The following LGR6 variants were observed in gnomAD, a reference collection of about 807,000 sequenced individuals.
LGR6 encodes the protein leucine rich repeat containing G protein-coupled receptor 6.
LGR6 carries 45 observed loss-of-function variants against 69.4 expected under a neutral mutation model. That is an observed-to-expected ratio of 0.65 (90% CI 0.51 to 0.83). The LOEUF (loss-of-function observed/expected upper bound fraction) is 0.83. Among genes scored for constraint, LGR6 ranks in the 40% least tolerant of loss-of-function variants. The pLI, the probability that LGR6 is intolerant of heterozygous loss-of-function variation, is 0.00. For missense variants in LGR6, 1,108 were observed against 1,246.7 expected (o/e 0.89, Z 1.68); for synonymous variants, 538 against 555.0 (o/e 0.97, Z 0.43).
intron 3 of LGR6, among the ~76,000 whole-genome samples, chr1:202,229,079 A>G (rs777508140): frequency 5.3e-5 from 8 of 152,164 alleles, no homozygotes; most frequent in Non-Finnish European, 1.0e-4. Flanking sequence ...AGAGGTGCTG[A>G]TGGGCTAGTG....
chr1:202,224,706 G>A (rs899006341), intron 1 of LGR6, among the ~76,000 whole-genome samples: 4 of 152,194 alleles, frequency 2.6e-5, no homozygotes, highest in African/African-American at 4.8e-5. Flanking sequence ...TTGCTGCCTC[G>A]GCTGATCTGA....
chr1:202,214,021 G>C, intron 1 of LGR6: 1 of 1,332,000 alleles, frequency 7.5e-7, no homozygotes, highest in African/African-American at 1.5e-5. Flanking sequence ...CGGGAGTTAG[G>C]GAAGAGGGCA....
intron 16 of LGR6, among the ~76,000 whole-genome samples, chr1:202,313,426 A>T (rs889106761): frequency 6.6e-6 from 1 of 152,054 alleles, no homozygotes; most frequent in Non-Finnish European, 1.5e-5. Flanking sequence ...CCCCCAAAGT[A>T]ATCAGTCCCT....
chr1:202,276,542 C>A, intron 5 of LGR6, 21 bp downstream of exon 5: 1 of 1,593,844 alleles, frequency 6.3e-7, no homozygotes, highest in Non-Finnish European at 8.6e-7. Context: ...CTCTGTTCCC[C>A]ATCCCCAGTG....
At chr1:202,270,057 C>T (rs535196202) in intron 4 of LGR6, among the ~76,000 whole-genome samples, 2 of 152,198 alleles carry the variant, frequency 1.3e-5, no homozygotes, top group Admixed American at 6.5e-5. Context: ...AGAAAGGGTC[C>T]ACTAGATTGA....
At chr1:202,239,176 G>A (rs1388660929) in intron 4 of LGR6, among the ~76,000 whole-genome samples, 1 of 152,188 alleles carries the variant, frequency 6.6e-6, no homozygotes, top group African/African-American at 2.4e-5. Context: ...TGCTTCTGCT[G>A]TCTTGCTGGC....
chr1:202,228,156 C>T, intron 3 of LGR6, 149 bp downstream of exon 3: 1 of 593,732 alleles, frequency 1.7e-6, no homozygotes, highest in South Asian at 2.2e-5. Context: ...ATTTCCATTT[C>T]TTTGCTTCAC....
At chr1:202,212,393 G>C (rs1347967039) in intron 1 of LGR6, among the ~76,000 whole-genome samples, 7 of 152,212 alleles carry the variant, frequency 4.6e-5, no homozygotes, top group Non-Finnish European at 8.8e-5. Context: ...GCTTACCTGG[G>C]TTAGTTTCCA....
chr1:202,235,953 C>G lies in LGR6; in HGVS notation c.388C>G (p.Pro130Ala). The G allele has an allele frequency of 6.2e-7, 1 of 1,613,998 alleles. No individual in the cohort carries two copies. Among genetic ancestry groups the G allele is most frequent in the Non-Finnish European group, 8.5e-7 (1 of 1,180,020 alleles). The change falls in exon 4 of 18, where the codon CCC (proline) becomes GCC (alanine). Residue 130 changes from proline (P) to alanine (A), a missense_variant. By Grantham distance (27) the Pro-to-Ala change is conservative. Coordinates refer to ENST00000367278, the MANE Select transcript of LGR6 (RefSeq NM_001017403.2). ...GCAGAACAATCAGCTGGGAGGAATC[C>G]CCGCAGAGGCGCTGTGGGAGCTGCC... ...MLQNNQLGGI[P>A]AEALWELPSL... is the part of the protein sequence containing the mutation.
chr1:202,274,307 G>A (rs926550238), intron 4 of LGR6, among the ~76,000 whole-genome samples: 1 of 152,214 alleles, frequency 6.6e-6, no homozygotes, highest in African/African-American at 2.4e-5. Context: ...ACTAGGCATT[G>A]CGCTGGGTGC....
At chr1:202,230,442 C>T (rs1250174950) in intron 3 of LGR6, among the ~76,000 whole-genome samples, 1 of 152,190 alleles carries the variant, frequency 6.6e-6, no homozygotes, top group Non-Finnish European at 1.5e-5. Flanking sequence ...AAGGCCCAGA[C>T]GCTAGTCTTA....
chr1:202,305,814 G>A, intron 12 of LGR6, 65 bp downstream of exon 12: 1 of 1,261,334 alleles, frequency 7.9e-7, no homozygotes, highest in Non-Finnish European at 1.2e-6. Flanking sequence ...CCTGTAGGGA[G>A]GTGTGATGGG....
intron 4 of LGR6, among the ~76,000 whole-genome samples, chr1:202,249,323 T>A (rs1034663620): frequency 2.6e-5 from 4 of 152,172 alleles, no homozygotes; most frequent in South Asian, 2.1e-4. Context: ...CTCCTAGATC[T>A]CTCCTCTCTA....
chr1:202,259,690 ATC>A (rs941878646), intron 4 of LGR6, among the ~76,000 whole-genome samples: 17 of 150,726 alleles, frequency 1.1e-4, no homozygotes, highest in Non-Finnish European at 1.5e-5. Flanking sequence ...CCTTCCTCCC[ATC>A]TCTCTTTCCC....
At position 202,318,931 on chromosome 1, in the gene LGR6, G is replaced by A. The variant is rs1450525261; in HGVS notation, c.2628G>A (p.Val876=). Residue 876 remains valine (V), a synonymous_variant, in exon 18 of 18, where the codon GTG becomes GTA. Transcript: ENST00000367278. Reference sequence around the variant, plus strand: ...AGGCCCTGGTAGCCTTCTCTGATGTGGATCTCATTCTGGAAGCTTCTGAAG... The same window carrying A: ...AGGCCCTGGTAGCCTTCTCTGATGTAGATCTCATTCTGGAAGCTTCTGAAG... ...STQALVAFSD[V]DLILEASEAG... The A allele has an allele frequency of 1.2e-6, 2 of 1,613,888 alleles. No homozygotes were observed. Among genetic ancestry groups the A allele is most frequent in the Admixed American group, 1.7e-5 (1 of 59,982 alleles).
In LGR6 at chr1:202,268,002, G is replaced by A. The variant is rs1249408999; in HGVS notation, c.429-8304G>A. 6.6e-6 allele frequency among the ~76,000 whole-genome samples: 1 copy of A among 152,206 alleles called. No homozygotes were observed. Among genetic ancestry groups the A allele is most frequent in the Non-Finnish European group, 1.5e-5 (1 of 68,042 alleles). On this transcript the variant is annotated intron_variant, in intron 4 of 17. Coordinates refer to ENST00000367278, the MANE Select transcript of LGR6 (RefSeq NM_001017403.2). This position sits in a 1 kb window ranked among gnomAD's most constrained non-coding sequence, Gnocchi z 4.4. ...GGAAGCCTTCATGAGACCATAAAGG[G>A]CCTTCACAGAATGCAGGCTGTGTTC...
chr1:202,204,225 ACCT>A (rs1658941522), intron 1 of LGR6, among the ~76,000 whole-genome samples: 1 of 135,718 alleles, frequency 7.4e-6, no homozygotes, highest in Non-Finnish European at 1.6e-5. Context: ...ACACACACAC[ACCT>A]CCACACACAC....
intron 4 of LGR6, among the ~76,000 whole-genome samples, chr1:202,239,796 C>T (rs936978538): frequency 2.6e-5 from 4 of 152,144 alleles, no homozygotes; most frequent in African/African-American, 9.7e-5. Flanking sequence ...CCTATAAGAT[C>T]CTGGGCAGAC....
chr1:202,237,104 C>G (rs181280586), intron 4 of LGR6, among the ~76,000 whole-genome samples: 129 of 152,336 alleles, frequency 8.5e-4, no homozygotes, highest in Non-Finnish European at 1.5e-3. Flanking sequence ...GCCTCTGTGT[C>G]TGGTCCCTGG....
Sources: gnomAD v4.1 joint callset for allele counts (sites outside exome capture counted in the v4.1 genomes callset) on GRCh38, gnomAD v4.1.1 for gene constraint, Gnocchi (gnomAD v3.1) non-coding constraint, MANE v1.5 for transcripts, NCBI Gene and HGNC (gene_info 2026-07-23, HGNC 2026-07-21) for gene names.